HS6ST2: variants seen among roughly 807,000 people sequenced by gnomAD.
HS6ST2 encodes the protein heparan sulfate 6-O-sulfotransferase 2.
In HS6ST2, 17 loss-of-function variants were observed where a neutral mutation model predicts 33.0. That is an observed-to-expected ratio of 0.52 (90% CI 0.35 to 0.77). The LOEUF is 0.77. Ranked by LOEUF, HS6ST2 falls within the 30% of genes least tolerant of loss-of-function variation. The pLI is 0.01. For synonymous variants in HS6ST2, 248 were observed against 237.1 expected (o/e 1.05, Z -0.42); for missense variants, 519 against 551.7 (o/e 0.94, Z 0.59).
intron 3 of HS6ST2, among the ~76,000 whole-genome samples, chrX:132,687,906 G>T (rs1326869981): frequency 9.0e-6 from 1 of 111,000 alleles, no homozygotes; most frequent in Non-Finnish European, 1.9e-5. Flanking sequence ...CCACCACCAC[G>T]CCCAGCTAAT....
chrX:132,820,916 C>A (rs909648213), intron 2 of HS6ST2, among the ~76,000 whole-genome samples: 5 of 110,253 alleles, frequency 4.5e-5, no homozygotes, highest in African/African-American at 6.6e-5. Context: ...CTGTTTCTAC[C>A]CTCCACAGCC....
intron 2 of HS6ST2, among the ~76,000 whole-genome samples, chrX:132,766,524 G>C (rs886882454): frequency 9.0e-6 from 1 of 111,533 alleles, no homozygotes; most frequent in African/African-American, 3.3e-5. Context: ...CACTAAACAG[G>C]CCAGTTGACC....
In HS6ST2 at chrX:132,716,427, GC is replaced by G. The variant is rs2064274210; in HGVS notation, c.948-7934del. On this transcript the variant is annotated intron_variant, in intron 2 of 4. Coordinates refer to ENST00000370833, the MANE Select transcript of HS6ST2 (RefSeq NM_001394073.1). ...AAAACGAAATAAAACAAAATTGAAG[GC>G]CATAAAATAAAACCTGGCTTGTTTT... Among the ~76,000 whole-genome samples the G allele has an allele frequency of 2.7e-5, 3 of 112,001 alleles. No homozygotes were observed. The South Asian group carries it at 1.1e-3, about 42-fold the overall frequency.
intron 2 of HS6ST2, among the ~76,000 whole-genome samples, chrX:132,754,505 C>G (rs760055087): frequency 7.5e-4 from 81 of 108,706 alleles, no homozygotes; most frequent in African/African-American, 2.7e-3. Context: ...CAACCTCCGC[C>G]CCCCTGGTTC....
At chrX:132,836,366 G>A (rs1040284728) in intron 2 of HS6ST2, among the ~76,000 whole-genome samples, 5 of 112,450 alleles carry the variant, frequency 4.4e-5, no homozygotes, top group South Asian at 7.4e-4. Flanking sequence ...CAATCTATCC[G>A]TAAACATGAG....
chrX:132,871,785 T>G (rs1226565746), intron 2 of HS6ST2, among the ~76,000 whole-genome samples: 4 of 91,928 alleles, frequency 4.4e-5, no homozygotes, highest in Admixed American at 2.6e-4. Flanking sequence ...GTTGGGGGAG[T>G]GAGGGGCTAG....
chrX:132,749,158 A>G (rs2064676319), intron 2 of HS6ST2, among the ~76,000 whole-genome samples: 1 of 111,901 alleles, frequency 8.9e-6, no homozygotes, highest in Non-Finnish European at 1.9e-5. Context: ...CTTCCTTCGG[A>G]TTCTCACAGC....
intron 3 of HS6ST2, among the ~76,000 whole-genome samples, chrX:132,671,001 G>A (rs1247829951): frequency 1.8e-5 from 2 of 111,569 alleles, no homozygotes; most frequent in East Asian, 5.7e-4. Flanking sequence ...CACAGTGCAG[G>A]GACCATTACC....
chrX:132,748,554 G>A (rs1177113004), intron 2 of HS6ST2, among the ~76,000 whole-genome samples: 1 of 111,741 alleles, frequency 8.9e-6, no homozygotes, highest in Non-Finnish European at 1.9e-5. Flanking sequence ...TGACCAGGAT[G>A]GAGCTGAGTC....
chrX:132,693,520 A>G (rs1288577606), intron 3 of HS6ST2, among the ~76,000 whole-genome samples: 3 of 111,693 alleles, frequency 2.7e-5, no homozygotes, highest in African/African-American at 9.8e-5. Flanking sequence ...AGCCATTCCT[A>G]CAGTGGTGTT....
At chrX:132,818,997 G>A (rs1053204952) in intron 2 of HS6ST2, among the ~76,000 whole-genome samples, 2 of 111,415 alleles carry the variant, frequency 1.8e-5, no homozygotes, top group African/African-American at 6.5e-5. Flanking sequence ...TATTTTCAAT[G>A]TATCCTCCAC....
chrX:132,857,578 G>T (rs182222312), intron 2 of HS6ST2, among the ~76,000 whole-genome samples: 12 of 111,314 alleles, frequency 1.1e-4, no homozygotes, highest in African/African-American at 3.6e-4. Context: ...AACCAAGAAA[G>T]CAATTAAAAG....
chrX:132,912,291 T>G (rs2081533959), intron 2 of HS6ST2, among the ~76,000 whole-genome samples: 1 of 112,718 alleles, frequency 8.9e-6, no homozygotes, highest in East Asian at 2.8e-4. Context: ...CTGGATTTGA[T>G]GAAAGTCACC....
At chrX:132,717,934 TCAAAACCAGGAC>T (rs2064291587) in intron 2 of HS6ST2, among the ~76,000 whole-genome samples, 1 of 75,076 alleles carries the variant, frequency 1.3e-5, no homozygotes, top group Non-Finnish European at 2.6e-5. Context: ...ACCTGTAGTT[TCAAAACCAGGAC>T]CAAAAAAATA....
In HS6ST2 at chrX:132,746,212, T is replaced by C. The variant is rs547583727; in HGVS notation, c.948-37718A>G. On this transcript the variant is annotated intron_variant, in intron 2 of 4. Transcript: ENST00000370833. ...ATTGGTGCAAAAGTTAATGTGGTTT[T>C]TGCCATTAAAAGTAAGGGCGGCCGG... 3.7e-4 allele frequency among the ~76,000 whole-genome samples: 41 copies of C among 111,690 alleles called. No homozygotes were observed. The South Asian group carries it at 0.013, about 36-fold the overall frequency.
chrX:132,889,541 A>C (rs1215880647), intron 2 of HS6ST2, among the ~76,000 whole-genome samples: 2 of 111,415 alleles, frequency 1.8e-5, no homozygotes, highest in Non-Finnish European at 3.8e-5. Flanking sequence ...GAAGAGATGT[A>C]TGTAGTCCAA....
chrX:132,823,027 A>G (rs2065475174), intron 2 of HS6ST2, among the ~76,000 whole-genome samples: 1 of 112,655 alleles, frequency 8.9e-6, no homozygotes, highest in African/African-American at 3.2e-5. Context: ...GCTCTGTAGG[A>G]AGACTAGTTT....
At chrX:132,629,130 T>C (rs1445975653) in intron 4 of HS6ST2, 37 bp from the exon 5 acceptor site, 4 of 1,156,854 alleles carry the variant, frequency 3.5e-6, no homozygotes, top group Admixed American at 2.5e-5. Context: ...GTCAGAGATA[T>C]GGGCGAAATA....
At chrX:132,925,417 G>A (rs2066699458) in intron 2 of HS6ST2, among the ~76,000 whole-genome samples, 1 of 112,250 alleles carries the variant, frequency 8.9e-6, no homozygotes, top group Non-Finnish European at 1.9e-5. Context: ...ACAGCCAGAA[G>A]TACAGGTGAC....
Sources: allele counts gnomAD v4.1 joint callset (sites outside exome capture counted in the v4.1 genomes callset), GRCh38; gene constraint gnomAD v4.1.1; transcripts MANE v1.5; gene names NCBI Gene and HGNC (gene_info 2026-07-23, HGNC 2026-07-21).